SMYD1: variants seen among roughly 807,000 people sequenced by gnomAD.
SMYD1 encodes SET and MYND domain containing 1, also known as histone-lysine N-methyltransferase SMYD1.
Under a neutral mutation model 54.0 loss-of-function variants are expected in SMYD1, and 49 were observed. The observed-to-expected ratio is 0.91, with a 90% CI of 0.72 to 1.15. The LOEUF (loss-of-function observed/expected upper bound fraction) is 1.15. SMYD1 is among the 50% of genes most tolerant of loss of function. SMYD1 has a pLI of 0.00. For synonymous variants in SMYD1, 269 were observed against 234.2 expected (o/e 1.15, Z -1.36); for missense variants, 653 against 639.6 (o/e 1.02, Z -0.23).
At chr2:88,105,362 T>C (rs1010115258) in intron 7 of SMYD1, among the ~76,000 whole-genome samples, 9 of 138,138 alleles carry the variant, frequency 6.5e-5, no homozygotes, top group Non-Finnish European at 1.1e-4. Flanking sequence ...TATATGTATA[T>C]ATGCGCATGC....
chr2:88,068,790 GC>G (rs973975670), intron 1 of SMYD1, among the ~76,000 whole-genome samples: 1 of 151,920 alleles, frequency 6.6e-6, no homozygotes, highest in Non-Finnish European at 1.5e-5. Context: ...AGATTCATAT[GC>G]CATATGAATC....
intron 1 of SMYD1, among the ~76,000 whole-genome samples, chr2:88,071,761 T>C (rs955876125): frequency 1.3e-5 from 2 of 152,164 alleles, no homozygotes; most frequent in African/African-American, 4.8e-5. Flanking sequence ...CAGTATTTTA[T>C]GGTAGTTGAG....
Position 88,108,361 on chromosome 2 carries a change from G to A in SMYD1, c.1146-10G>A. ...GGTATGATGTATAATTATCTGCTAT[G>A]CTCCCACAGGAAGCTCTACCACCCC... On this transcript the variant is annotated splice_polypyrimidine_tract_variant and intron_variant, in intron 8 of 9. Transcript: ENST00000419482. The A allele has an allele frequency of 6.4e-7, 1 of 1,568,312 alleles. No individual in the cohort carries two copies. Among genetic ancestry groups the A allele is most frequent in the Non-Finnish European group, 8.6e-7 (1 of 1,160,330 alleles).
intron 7 of SMYD1, among the ~76,000 whole-genome samples, chr2:88,104,961 T>G (rs1465843525): frequency 6.6e-6 from 1 of 152,190 alleles, no homozygotes; most frequent in East Asian, 1.9e-4. Context: ...CCTGGGAGCC[T>G]CCTTCTCTGC....
intron 9 of SMYD1, 145 bp from the exon 10 acceptor site, chr2:88,110,209 G>GTGTA: frequency 1.3e-6 from 1 of 750,242 alleles, no homozygotes. Flanking sequence ...GAGTGTGTGT[G>GTGTA]TGTGTGTGTG....
chr2:88,076,487 T>C (rs1674067316), intron 1 of SMYD1, among the ~76,000 whole-genome samples: 1 of 152,184 alleles, frequency 6.6e-6, no homozygotes, highest in African/African-American at 2.4e-5. Context: ...CCTCCCAAAG[T>C]GCTGGGATTA....
At chr2:88,098,118 G>A (rs1335734201) in intron 6 of SMYD1, among the ~76,000 whole-genome samples, 2 of 152,178 alleles carry the variant, frequency 1.3e-5, no homozygotes, top group African/African-American at 4.8e-5. Flanking sequence ...AGAACCTGCG[G>A]ATAACATGTC....
At chr2:88,107,026 C>G (rs142095653) in intron 8 of SMYD1, among the ~76,000 whole-genome samples, 1 of 151,748 alleles carries the variant, frequency 6.6e-6, no homozygotes, top group African/African-American at 2.4e-5. Context: ...TGGTGAAACC[C>G]CGTCTCTATT....
Position 88,111,838 on chromosome 2 carries a change from G to T in SMYD1, c.*1326G>T, listed in dbSNP as rs4972177. ...ATCCTGGAAAAGATCCCTTCAGTTT[G>T]GGGTGTCACCAAGACTTCTACACAA... is the stretch of plus-strand genomic sequence containing the variant. On this transcript the variant is annotated 3_prime_UTR_variant, in exon 10 of 10. Coordinates refer to ENST00000419482, the MANE Select transcript of SMYD1 (RefSeq NM_198274.4). 1 of 453,132 alleles carries T rather than the reference G, an allele frequency of 2.2e-6. No individual in the cohort carries two copies. The highest frequency in any genetic ancestry group is 3.4e-5 in the Admixed American group (1 of 29,850). 28.1% of individuals were successfully genotyped at this position (453,132 alleles called of 1,614,324 possible). A position where few individuals can be genotyped will look rare whatever the true frequency, so the allele number is the denominator to read the frequency against.
At chr2:88,108,662 TCA>T in intron 9 of SMYD1, 123 bp downstream of exon 9, 4 of 955,348 alleles carry the variant, frequency 4.2e-6, no homozygotes, top group Non-Finnish European at 5.9e-6. Flanking sequence ...AAAAGGGAAC[TCA>T]GAAACGCTTT....
intron 3 of SMYD1, among the ~76,000 whole-genome samples, chr2:88,089,884 G>A (rs544427004): frequency 9.2e-5 from 14 of 152,056 alleles, no homozygotes; most frequent in Non-Finnish European, 1.6e-4. Context: ...AAGCCACCAC[G>A]CCTGGCCTAA....
intron 7 of SMYD1, among the ~76,000 whole-genome samples, chr2:88,103,952 C>T (rs1674787316): frequency 6.6e-6 from 1 of 151,618 alleles, no homozygotes; most frequent in Non-Finnish European, 1.5e-5. Context: ...AATTTCTATT[C>T]ATTTCTATTT....
chr2:88,089,526 C>T (rs1281076227), intron 3 of SMYD1, among the ~76,000 whole-genome samples: 2 of 150,210 alleles, frequency 1.3e-5, no homozygotes, highest in African/African-American at 2.5e-5. Context: ...ACATGGTCAG[C>T]TTGTGCCCAG....
At chr2:88,099,552 A>T (rs2104006333) in intron 6 of SMYD1, among the ~76,000 whole-genome samples, 1 of 152,000 alleles carries the variant, frequency 6.6e-6, no homozygotes, top group East Asian at 2.0e-4. Flanking sequence ...GTGAAACCCC[A>T]TCTCTACTAA....
chr2:88,100,767 G>A (rs968472463), intron 6 of SMYD1, among the ~76,000 whole-genome samples: 2 of 152,208 alleles, frequency 1.3e-5, no homozygotes, highest in Non-Finnish European at 2.9e-5. Flanking sequence ...CAGGAGGGCA[G>A]CCAAAGCCAG....
At chr2:88,104,042 C>A (rs1674792119) in intron 7 of SMYD1, among the ~76,000 whole-genome samples, 1 of 151,642 alleles carries the variant, frequency 6.6e-6, no homozygotes, top group African/African-American at 2.4e-5. Flanking sequence ...TTTCGGCTCA[C>A]TGCAAGCTCT....
chr2:88,099,782 CTTGGG>C (rs113926242), intron 6 of SMYD1, among the ~76,000 whole-genome samples: 25 of 151,810 alleles, frequency 1.6e-4, no homozygotes, highest in African/African-American at 5.8e-4. Context: ...TTTTTCCAGG[CTTGGG>C]AACCAACATC....
At chr2:88,101,442 A>G (rs1674718611) in intron 6 of SMYD1, among the ~76,000 whole-genome samples, 1 of 152,252 alleles carries the variant, frequency 6.6e-6, no homozygotes. Context: ...AAAATGCTAT[A>G]GACAGATATA....
At chr2:88,091,185 G>A in intron 4 of SMYD1, 43 bp downstream of exon 4, 1 of 1,592,008 alleles carries the variant, frequency 6.3e-7, no homozygotes, top group Non-Finnish European at 8.6e-7. Flanking sequence ...AGGGGATGGG[G>A]AGACCTATGG....
Sources: allele counts gnomAD v4.1 joint callset (sites outside exome capture counted in the v4.1 genomes callset), GRCh38; gene constraint gnomAD v4.1.1; transcripts MANE v1.5; gene names NCBI Gene and HGNC (gene_info 2026-07-23, HGNC 2026-07-21).